Variants in ADAM22 observed in about 807,000 individuals in gnomAD.
ADAM22 encodes the protein disintegrin and metalloproteinase domain-containing protein 22.
ADAM22 carries 65 observed loss-of-function variants against 144.6 expected under a neutral mutation model. The observed-to-expected ratio is 0.45, with a 90% confidence interval of 0.37 to 0.55. The LOEUF (loss-of-function observed/expected upper bound fraction) is 0.55. Ranked by LOEUF, ADAM22 falls within the 20% of genes least tolerant of loss-of-function variation. ADAM22 has a pLI of 0.00. For missense variants in ADAM22, 974 were observed against 1,184.9 expected (o/e 0.82, Z 2.61); for synonymous variants, 391 against 412.6 (o/e 0.95, Z 0.63).
At chr7:88,044,923 C>T (rs905642144) in intron 3 of ADAM22, among the ~76,000 whole-genome samples, 3 of 150,988 alleles carry the variant, frequency 2.0e-5, no homozygotes, top group African/African-American at 7.3e-5. Context: ...CGGGGTTTCA[C>T]CATGTTGGCC....
At chr7:88,175,236 CA>C (rs897731353) in intron 26 of ADAM22, among the ~76,000 whole-genome samples, 1 of 151,984 alleles carries the variant, frequency 6.6e-6, no homozygotes, top group Non-Finnish European at 1.5e-5. Flanking sequence ...GCTAACATAA[CA>C]ACTAGATGAT....
intron 25 of ADAM22, among the ~76,000 whole-genome samples, chr7:88,168,816 A>T (rs1180077584): frequency 6.6e-6 from 1 of 152,184 alleles, no homozygotes; most frequent in African/African-American, 2.4e-5. Flanking sequence ...ATGATGTTCC[A>T]GTCCACAGGC....
chr7:88,151,965 A>G (rs948821681), intron 20 of ADAM22, among the ~76,000 whole-genome samples: 14 of 152,256 alleles, frequency 9.2e-5, no homozygotes, highest in African/African-American at 3.4e-4. Flanking sequence ...AAGTACTACT[A>G]GCCCAAACTT....
At chr7:88,182,087 A>C (rs1847180267) in intron 29 of ADAM22, 63 bp downstream of exon 29, 1 of 1,401,150 alleles carries the variant, frequency 7.1e-7, no homozygotes, top group Admixed American at 2.1e-5. Context: ...TGTCAAAAGT[A>C]AATTAAGCAG....
At chr7:87,956,424 T>G (rs1280685539) in intron 2 of ADAM22, among the ~76,000 whole-genome samples, 1 of 152,234 alleles carries the variant, frequency 6.6e-6, no homozygotes, top group Non-Finnish European at 1.5e-5. Context: ...CTATCTTACT[T>G]ATATGTATTT....
intron 4 of ADAM22, among the ~76,000 whole-genome samples, chr7:88,083,267 T>G (rs934561876): frequency 6.6e-6 from 1 of 151,676 alleles, no homozygotes; most frequent in African/African-American, 2.4e-5. Context: ...ATGTTCTCAC[T>G]CATAGGTGAG....
At chr7:87,997,369 T>G (rs1016884001) in intron 3 of ADAM22, among the ~76,000 whole-genome samples, 1 of 152,240 alleles carries the variant, frequency 6.6e-6, no homozygotes. Flanking sequence ...CTGTTAACTT[T>G]AGCTGCTTAA....
chr7:88,201,484 T>G lies in ADAM22; in HGVS notation c.*4993T>G, dbSNP rs1180744787. 1 of 152,322 alleles carries G rather than the reference T, an allele frequency of 6.6e-6. No homozygotes were observed. The highest frequency in any genetic ancestry group is 2.4e-5 in the African/African-American group (1 of 41,448). 9.4% of individuals were successfully genotyped at this position (152,322 alleles called of 1,614,324 possible). On this transcript the variant is annotated 3_prime_UTR_variant, in exon 32 of 32. Transcript: ENST00000413139. ...CAGATATGCAGGAGAGCACACATTG[T>G]CACAAGGGGTGTGGTGGGAAGAGAG...
chr7:88,099,124 G>A (rs988926732), intron 4 of ADAM22, among the ~76,000 whole-genome samples: 1 of 152,150 alleles, frequency 6.6e-6, no homozygotes, highest in Non-Finnish European at 1.5e-5. Context: ...TGGAAAAGTG[G>A]TAATGGAGTC....
At chr7:88,156,067 G>A in intron 22 of ADAM22, 61 bp downstream of exon 22, 4 of 1,585,454 alleles carry the variant, frequency 2.5e-6, no homozygotes, top group Non-Finnish European at 3.4e-6. Flanking sequence ...ATGCAGTTTA[G>A]GATTCCTTCC....
chr7:88,150,317 C>CA (rs1164990347), intron 18 of ADAM22, among the ~76,000 whole-genome samples: 2 of 152,138 alleles, frequency 1.3e-5, no homozygotes, highest in Admixed American at 6.6e-5. Flanking sequence ...TCCGTTTTTG[C>CA]AAAATGGCAC....
At chr7:88,193,272 C>T (rs372539396) in intron 31 of ADAM22, 33 bp downstream of exon 31, 2 of 1,606,748 alleles carry the variant, frequency 1.2e-6, no homozygotes, top group South Asian at 2.2e-5. Context: ...TGCGTACATG[C>T]TCAGTCATTA....
At chr7:87,975,068 T>C (rs1391032109) in intron 2 of ADAM22, among the ~76,000 whole-genome samples, 1 of 152,166 alleles carries the variant, frequency 6.6e-6, no homozygotes, top group East Asian at 1.9e-4. Flanking sequence ...AGGTAACATG[T>C]TCGTAGGTTC....
chr7:87,974,448 T>G (rs1851398483), intron 2 of ADAM22, among the ~76,000 whole-genome samples: 1 of 152,210 alleles, frequency 6.6e-6, no homozygotes, highest in Non-Finnish European at 1.5e-5. Flanking sequence ...GGCTCACATT[T>G]ATTTTAGTGA....
intron 21 of ADAM22, among the ~76,000 whole-genome samples, chr7:88,155,414 C>A: frequency 6.6e-6 from 1 of 151,050 alleles, no homozygotes; most frequent in Non-Finnish European, 1.5e-5. Flanking sequence ...TCCCAGCTAC[C>A]TGGGAGGCTG....
intron 24 of ADAM22, among the ~76,000 whole-genome samples, chr7:88,166,990 C>T (rs1471941746): frequency 6.6e-6 from 1 of 152,164 alleles, no homozygotes; most frequent in African/African-American, 2.4e-5. Context: ...TGCATCTGTG[C>T]ATCCCACAGA....
At chr7:87,939,524 T>G (rs1842040193) in intron 2 of ADAM22, among the ~76,000 whole-genome samples, 1 of 152,352 alleles carries the variant, frequency 6.6e-6, no homozygotes, top group East Asian at 1.9e-4. Flanking sequence ...TGACTGTAGC[T>G]GTGTACTTTA....
intron 2 of ADAM22, among the ~76,000 whole-genome samples, chr7:87,938,850 C>G (rs140744410): frequency 0.033 from 5,076 of 152,104 alleles, 276 homozygotes; most frequent in African/African-American, 0.11. Context: ...AGGGTTTCAC[C>G]ATGTTAGCCA....
At chr7:87,984,285 C>T (rs980354715) in intron 3 of ADAM22, among the ~76,000 whole-genome samples, 17 of 152,170 alleles carry the variant, frequency 1.1e-4, no homozygotes, top group African/African-American at 3.6e-4. Context: ...GCTGCTCTGC[C>T]GGGCAGTTTC....
Sources: gnomAD v4.1 joint callset for allele counts (sites outside exome capture counted in the v4.1 genomes callset) on GRCh38, gnomAD v4.1.1 for gene constraint, MANE v1.5 for transcripts, NCBI Gene and HGNC (gene_info 2026-07-23, HGNC 2026-07-21) for gene names.